Variants in CCSER1 observed in about 807,000 individuals in gnomAD.
CCSER1 encodes serine-rich coiled-coil domain-containing protein 1.
In CCSER1, 41 loss-of-function variants were observed where a neutral mutation model predicts 82.0. The ratio of observed to expected loss-of-function variants is 0.50; its 90% CI spans 0.39 to 0.65. The LOEUF (loss-of-function observed/expected upper bound fraction) is 0.65, where lower values mean the gene tolerates loss of function less well. Ranked by LOEUF, CCSER1 falls within the 30% of genes least tolerant of loss-of-function variation. CCSER1 has a pLI of 0.00. For synonymous variants in CCSER1, 414 were observed against 383.9 expected (o/e 1.08, Z -0.92); for missense variants, 1,119 against 1,064.2 (o/e 1.05, Z -0.72).
At chr4:90,641,062 G>A (rs766423616) in intron 6 of CCSER1, among the ~76,000 whole-genome samples, 1 of 152,034 alleles carries the variant, frequency 6.6e-6, no homozygotes, top group Non-Finnish European at 1.5e-5. Flanking sequence ...GTGTAATGGT[G>A]CATGTTCAAA....
chr4:91,052,199 G>A (rs924428097), intron 9 of CCSER1, among the ~76,000 whole-genome samples: 2 of 151,922 alleles, frequency 1.3e-5, no homozygotes, highest in African/African-American at 4.8e-5. Flanking sequence ...TATATAATCA[G>A]TGTCTAGAAA....
At chr4:90,877,302 T>A (rs1561291016) in intron 8 of CCSER1, among the ~76,000 whole-genome samples, 1 of 152,130 alleles carries the variant, frequency 6.6e-6, no homozygotes. Flanking sequence ...TTCTTAACTC[T>A]CTTGTGTACC....
chr4:91,301,982 C>A (rs905590357), intron 10 of CCSER1, among the ~76,000 whole-genome samples: 2 of 76,612 alleles, frequency 2.6e-5, no homozygotes, highest in Admixed American at 1.4e-4. Flanking sequence ...TTCCTTCCTT[C>A]CTTCGTTTAT....
intron 3 of CCSER1, among the ~76,000 whole-genome samples, chr4:90,323,814 C>G (rs1307846445): frequency 6.6e-6 from 1 of 152,144 alleles, no homozygotes; most frequent in African/African-American, 2.4e-5. Context: ...AGCTATCCCT[C>G]CCCTCTCTTC....
At chr4:91,340,544 A>C (rs765044268) in intron 10 of CCSER1, among the ~76,000 whole-genome samples, 20 of 152,170 alleles carry the variant, frequency 1.3e-4, no homozygotes, top group Non-Finnish European at 2.2e-4. Flanking sequence ...TTAAGTCTTA[A>C]TAGTGTCAGG....
At chr4:90,870,224 A>G (rs1310810337) in intron 8 of CCSER1, among the ~76,000 whole-genome samples, 3 of 151,966 alleles carry the variant, frequency 2.0e-5, no homozygotes, top group Non-Finnish European at 2.9e-5. Flanking sequence ...GACTTCCAGT[A>G]CTATGTTGAA....
intron 8 of CCSER1, among the ~76,000 whole-genome samples, chr4:90,874,302 TGAA>T (rs1766923352): frequency 6.6e-6 from 1 of 152,198 alleles, no homozygotes. Flanking sequence ...GGTTTGTATT[TGAA>T]GTTTTTTAAA....
rs550339611 is a variant in CCSER1, at chr4:90,966,761, A to G, written c.2172+43314A>G. Among the ~76,000 whole-genome samples the G allele has an allele frequency of 8.5e-5, 13 of 152,286 alleles. 1 individual carries two copies. The South Asian group carries it at 2.7e-3, about 32-fold the overall frequency. ...TACAATTGCAGAAAGCAATAGTTGT[A>G]AAACTATATTGATGTATGTTCATGG... On this transcript the variant is annotated intron_variant, in intron 9 of 10. Coordinates refer to ENST00000509176, the MANE Select transcript of CCSER1 (RefSeq NM_001145065.2).
At chr4:91,212,854 A>AC (rs1210702125) in intron 10 of CCSER1, among the ~76,000 whole-genome samples, 3 of 152,064 alleles carry the variant, frequency 2.0e-5, no homozygotes, top group Non-Finnish European at 4.4e-5. Context: ...TAAGCATAGT[A>AC]CCCAATAGGT....
In CCSER1 at chr4:91,394,776, A is replaced by G. The variant is rs565799209; in HGVS notation, c.2218-203796A>G. Among the ~76,000 whole-genome samples the G allele has an allele frequency of 6.6e-5, 10 of 152,190 alleles. No individual in the cohort carries two copies. The East Asian group carries it at 1.4e-3, about 21-fold the overall frequency. ...TCACTTAGTAAAGCATTTCTAACAT[A>G]TAACAAAAAACCTTCTAGATGTATT... On this transcript the variant is annotated intron_variant, in intron 10 of 10. Transcript: ENST00000509176.
At chr4:91,089,705 A>G (rs1027532456) in intron 10 of CCSER1, among the ~76,000 whole-genome samples, 6 of 152,198 alleles carry the variant, frequency 3.9e-5, no homozygotes, top group Non-Finnish European at 8.8e-5. Flanking sequence ...TATTACTATT[A>G]TAACTCCTAT....
intron 5 of CCSER1, among the ~76,000 whole-genome samples, chr4:90,603,942 G>A (rs550786287): frequency 6.6e-6 from 1 of 152,150 alleles, no homozygotes; most frequent in East Asian, 1.9e-4. Flanking sequence ...ATGACCCCAC[G>A]ATACCTTATT....
At chr4:90,907,290 C>G (rs186057826) in intron 8 of CCSER1, among the ~76,000 whole-genome samples, 1 of 152,168 alleles carries the variant, frequency 6.6e-6, no homozygotes, top group East Asian at 1.9e-4. Context: ...CAGAAATTCC[C>G]TAATGCAAAT....
intron 10 of CCSER1, among the ~76,000 whole-genome samples, chr4:91,498,507 A>ACTT (rs1759046711): frequency 6.6e-6 from 1 of 151,450 alleles, no homozygotes; most frequent in Non-Finnish European, 1.5e-5. Context: ...ATTTTTCTGC[A>ACTT]CTTCTCTTTC....
At chr4:90,611,392 G>A (rs1432924293) in intron 5 of CCSER1, among the ~76,000 whole-genome samples, 1 of 152,088 alleles carries the variant, frequency 6.6e-6, no homozygotes, top group African/African-American at 2.4e-5. Context: ...ACCAGAGGTT[G>A]AAGGCACAGT....
At chr4:90,508,586 T>G (rs958433376) in intron 5 of CCSER1, among the ~76,000 whole-genome samples, 43 of 152,106 alleles carry the variant, frequency 2.8e-4, no homozygotes, top group African/African-American at 9.6e-4. Context: ...GTCCTCCTAT[T>G]GAAAATCATT....
Position 90,933,018 on chromosome 4 carries a change from A to G in CCSER1, c.2172+9571A>G, listed in dbSNP as rs1274570701. The stretch of plus-strand genomic sequence containing the variant: ...AAAGAAAGAAAGAAAGAAAGAAAGA[A>G]AGAAAGAAAGAAAGAAAGAAAGAAA... On this transcript the variant is annotated intron_variant, in intron 9 of 10. Coordinates refer to ENST00000509176, the MANE Select transcript of CCSER1 (RefSeq NM_001145065.2). 3.4e-5 allele frequency among the ~76,000 whole-genome samples: 3 copies of G among 88,294 alleles called. 1 individual carries two copies. Among genetic ancestry groups the G allele is most frequent in the African/African-American group, 2.4e-4 (3 of 12,534 alleles). The allele number at this position is 88,294 out of a possible 152,430, so 57.9% of individuals were successfully genotyped here. A position where few individuals can be genotyped will look rare whatever the true frequency, so the allele number is the denominator to read the frequency against.
rs530861215 is a variant in CCSER1 at position 90,913,034 on chromosome 4, G to A, written c.2095-10336G>A. On this transcript the variant is annotated intron_variant, in intron 8 of 10. Coordinates refer to ENST00000509176, the MANE Select transcript of CCSER1 (RefSeq NM_001145065.2). ...TGATTGGTGTACCTGAAAGTGACGGGGAGAATGGAACCAAGTTGGAAAACA... is the reference window on the plus strand; with the variant it reads ...TGATTGGTGTACCTGAAAGTGACGGAGAGAATGGAACCAAGTTGGAAAACA... Among the ~76,000 whole-genome samples, 347 of 152,298 alleles carry A rather than the reference G, an allele frequency of 2.3e-3. 1 individual carries two copies. Among genetic ancestry groups the A allele is most frequent in the Middle Eastern group, 6.8e-3 (2 of 294 alleles).
intron 10 of CCSER1, among the ~76,000 whole-genome samples, chr4:91,257,522 A>T (rs1488917682): frequency 4.8e-5 from 7 of 146,666 alleles, no homozygotes; most frequent in African/African-American, 1.8e-4. Flanking sequence ...TATATCTAGA[A>T]ACATATCCTA....
Sources: allele counts gnomAD v4.1 joint callset (sites outside exome capture counted in the v4.1 genomes callset), GRCh38; gene constraint gnomAD v4.1.1; transcripts MANE v1.5; gene names NCBI Gene and HGNC (gene_info 2026-07-23, HGNC 2026-07-21).